The following PEX5L variants were observed in gnomAD, a reference collection of about 807,000 sequenced individuals.
PEX5L encodes the protein peroxisomal biogenesis factor 5 like.
PEX5L carries 30 observed loss-of-function variants against 84.0 expected under a neutral mutation model. That is an observed-to-expected ratio of 0.36 (90% CI 0.27 to 0.48). The LOEUF (loss-of-function observed/expected upper bound fraction) is 0.48, where lower values mean the gene tolerates loss of function less well. Ranked by LOEUF, PEX5L falls within the 20% of genes least tolerant of loss-of-function variation. The probability of loss-of-function intolerance (pLI) is 0.99; values close to 1 mark genes in which losing one functional copy is unlikely to be tolerated. For synonymous variants in PEX5L, 270 were observed against 283.1 expected (o/e 0.95, Z 0.46); for missense variants, 533 against 754.6 (o/e 0.71, Z 3.44).
chr3:180,025,125 G>A (rs1010174041), intron 1 of PEX5L, among the ~76,000 whole-genome samples: 1 of 152,128 alleles, frequency 6.6e-6, no homozygotes, highest in Admixed American at 6.5e-5. Context: ...AGGTTTATAA[G>A]GTTTCCCTGT....
chr3:179,944,572 C>T (rs1383035636), intron 2 of PEX5L, among the ~76,000 whole-genome samples: 4 of 152,228 alleles, frequency 2.6e-5, no homozygotes, highest in African/African-American at 9.6e-5. Context: ...TCATCCCTTC[C>T]TTTTCCTCCA....
chr3:179,831,950 T>C (rs780851673), intron 8 of PEX5L, among the ~76,000 whole-genome samples: 1 of 152,178 alleles, frequency 6.6e-6, no homozygotes, highest in Non-Finnish European at 1.5e-5. Flanking sequence ...AAGCTTGGAC[T>C]TTGTTCTAAG....
intron 14 of PEX5L, among the ~76,000 whole-genome samples, chr3:179,802,300 C>T (rs1304456513): frequency 1.3e-5 from 2 of 151,814 alleles, no homozygotes; most frequent in Non-Finnish European, 2.9e-5. Context: ...TTTGGGAGGC[C>T]AAGGCAGGTG....
Position 180,036,641 on chromosome 3 carries a change from CT to C in PEX5L, c.-43del. On this transcript the variant is annotated 5_prime_UTR_variant, in exon 1 of 15. Transcript: ENST00000467460. Reference sequence around the variant, plus strand: ...CAGGGCTCCCTGAGGCCACCGGATGCTTTTCCCCCGTGCTTACTTGCCCACC... The same window carrying C: ...CAGGGCTCCCTGAGGCCACCGGATGCTTTCCCCCGTGCTTACTTGCCCACC... 1 of 1,612,600 alleles carries C rather than the reference CT, an allele frequency of 6.2e-7. No individual in the cohort carries two copies. The highest frequency in any genetic ancestry group is 8.5e-7 in the Non-Finnish European group (1 of 1,178,594).
At chr3:179,894,365 G>C (rs918394084) in intron 3 of PEX5L, among the ~76,000 whole-genome samples, 2 of 152,030 alleles carry the variant, frequency 1.3e-5, no homozygotes, top group Non-Finnish European at 2.9e-5. Flanking sequence ...TGAGCTTATA[G>C]TACTAATGGA....
chr3:179,902,778 A>G (rs1578230280), intron 2 of PEX5L: 7 of 400,836 alleles, frequency 1.7e-5, no homozygotes, highest in Non-Finnish European at 3.5e-5. Flanking sequence ...TTGTAATTTA[A>G]AACTTATTTT....
chr3:180,010,081 C>A (rs1383562910), intron 1 of PEX5L, among the ~76,000 whole-genome samples: 1 of 151,760 alleles, frequency 6.6e-6, no homozygotes, highest in Non-Finnish European at 1.5e-5. Context: ...ATAGCTGGGA[C>A]TACAGGCGCC....
At chr3:179,953,410 A>T (rs1277485011) in intron 2 of PEX5L, among the ~76,000 whole-genome samples, 1 of 152,202 alleles carries the variant, frequency 6.6e-6, no homozygotes, top group East Asian at 1.9e-4. Context: ...TTACAAGAAA[A>T]AAACAACCCA....
At chr3:179,963,059 G>T (rs1211193582) in intron 2 of PEX5L, among the ~76,000 whole-genome samples, 1 of 152,176 alleles carries the variant, frequency 6.6e-6, no homozygotes, top group African/African-American at 2.4e-5. Context: ...ATACCTGATA[G>T]CATTTCAGAT....
chr3:179,929,104 T>G (rs1772273640), intron 2 of PEX5L, among the ~76,000 whole-genome samples: 1 of 152,184 alleles, frequency 6.6e-6, no homozygotes, highest in South Asian at 2.1e-4. Context: ...AATCTTCTAA[T>G]GAAGAAAAGT....
chr3:179,998,764 G>A (rs1390215521), intron 1 of PEX5L, among the ~76,000 whole-genome samples: 3 of 152,196 alleles, frequency 2.0e-5, no homozygotes, highest in African/African-American at 4.8e-5. Flanking sequence ...AACAGGTCCT[G>A]AAGGCATAAA....
chr3:179,838,199 G>T (rs1287578906), intron 8 of PEX5L, among the ~76,000 whole-genome samples: 3 of 151,962 alleles, frequency 2.0e-5, no homozygotes, highest in Non-Finnish European at 2.9e-5. Flanking sequence ...TACTAATAAC[G>T]TTTTTTTCCA....
At chr3:179,979,694 T>C (rs1467129161) in intron 1 of PEX5L, among the ~76,000 whole-genome samples, 1 of 152,246 alleles carries the variant, frequency 6.6e-6, no homozygotes, top group Non-Finnish European at 1.5e-5. Flanking sequence ...AGGTAAATTG[T>C]GTATTCTGTT....
At chr3:179,902,697 T>TA (rs1761812340) in intron 2 of PEX5L, 1 of 456,506 alleles carries the variant, frequency 2.2e-6, no homozygotes, top group South Asian at 1.6e-5. Flanking sequence ...ATAAAATACT[T>TA]AAAGTATGCA....
intron 7 of PEX5L, among the ~76,000 whole-genome samples, chr3:179,869,414 G>A (rs1293591965): frequency 6.6e-6 from 1 of 152,140 alleles, no homozygotes; most frequent in Non-Finnish European, 1.5e-5. Context: ...GGGAATATTA[G>A]TTACACAGTT....
Position 179,841,433 on chromosome 3 carries a change from T to C in PEX5L, c.822+17629A>G, listed in dbSNP as rs77012141. On this transcript the variant is annotated intron_variant, in intron 8 of 14. Coordinates refer to ENST00000467460, the MANE Select transcript of PEX5L (RefSeq NM_016559.3). ...TCTGCCAGGCCAGGTGAATCCCTTCTATAGGCACTCAGAGGACCAGGGGCT... is the reference window on the plus strand; with the variant it reads ...TCTGCCAGGCCAGGTGAATCCCTTCCATAGGCACTCAGAGGACCAGGGGCT... 5.3e-3 allele frequency among the ~76,000 whole-genome samples: 804 copies of C among 152,322 alleles called. 19 individuals are homozygous for C. The highest frequency in any genetic ancestry group is 0.041 in the Admixed American group (621 of 15,298).
At chr3:179,867,035 A>G (rs1748540173) in intron 7 of PEX5L, among the ~76,000 whole-genome samples, 1 of 149,590 alleles carries the variant, frequency 6.7e-6, no homozygotes, top group South Asian at 2.1e-4. Context: ...CAAAAAAAAA[A>G]AAAAAAGAAA....
intron 1 of PEX5L, among the ~76,000 whole-genome samples, chr3:180,021,010 G>C (rs1232200750): frequency 6.6e-6 from 1 of 152,130 alleles, no homozygotes; most frequent in African/African-American, 2.4e-5. Context: ...ACCCCACCAA[G>C]AAGTAGGGTA....
chr3:179,988,516 G>A (rs1293671511), intron 1 of PEX5L, among the ~76,000 whole-genome samples: 2 of 152,168 alleles, frequency 1.3e-5, no homozygotes, highest in African/African-American at 2.4e-5. Context: ...GGAGGATTTA[G>A]TGTCTTCTAC....
Sources: gnomAD v4.1 joint callset for allele counts (sites outside exome capture counted in the v4.1 genomes callset) on GRCh38, gnomAD v4.1.1 for gene constraint, MANE v1.5 for transcripts, NCBI Gene and HGNC (gene_info 2026-07-23, HGNC 2026-07-21) for gene names.